The following SH3BGR variants were observed in gnomAD, a reference collection of about 807,000 sequenced individuals.
SH3BGR encodes the protein SH3 domain-binding glutamic acid-rich protein.
SH3BGR carries 29 observed loss-of-function variants against 24.5 expected under a neutral mutation model. The observed-to-expected ratio is 1.18, with a 90% CI of 0.88 to 1.61. The LOEUF is 1.61. Among genes scored for constraint, SH3BGR ranks in the 40% most tolerant of loss-of-function variants. The probability of loss-of-function intolerance (pLI) is 0.00; values close to 1 mark genes in which losing one functional copy is unlikely to be tolerated. For missense variants in SH3BGR, 162 were observed against 205.8 expected (o/e 0.79, Z 1.30); for synonymous variants, 55 against 65.7 (o/e 0.84, Z 0.79).
intron 3 of SH3BGR, among the ~76,000 whole-genome samples, chr21:39,482,490 TA>T (rs540664113): frequency 5.3e-5 from 8 of 152,176 alleles, no homozygotes; most frequent in Non-Finnish European, 1.0e-4. Flanking sequence ...TTAGTTTTCT[TA>T]GATGTGATAA....
intron 1 of SH3BGR, among the ~76,000 whole-genome samples, chr21:39,457,832 G>T (rs1456683678): frequency 1.3e-5 from 2 of 151,918 alleles, no homozygotes; most frequent in East Asian, 1.9e-4. Context: ...GCTGAGGTGG[G>T]AGAATCACTT....
chr21:39,511,849 C>T lies in SH3BGR; in HGVS notation c.*34+40C>T, dbSNP rs1011408422. On this transcript the variant is annotated intron_variant, in intron 6 of 6. Coordinates refer to ENST00000333634, the MANE Select transcript of SH3BGR (RefSeq NM_007341.3). The surrounding 1 kb of genome is among the most constrained non-coding windows in gnomAD (Gnocchi z 4.2). ...CTGGGGTGGAAAAGCTGCTAGTTAC[C>T]GTACTGTATGCTATCTGCGGCACAT... is the stretch of plus-strand genomic sequence containing the variant. The T allele has an allele frequency of 3.4e-5, 52 of 1,552,000 alleles. No individual in the cohort carries two copies. The African/African-American group carries it at 4.4e-4, about 13-fold the overall frequency.
intron 5 of SH3BGR, among the ~76,000 whole-genome samples, chr21:39,509,475 T>G (rs1050570397): frequency 3.4e-5 from 5 of 145,222 alleles, no homozygotes; most frequent in South Asian, 2.2e-4. Context: ...TTTATTGTTT[T>G]TTTTTTTTTT....
intron 4 of SH3BGR, among the ~76,000 whole-genome samples, chr21:39,503,564 A>G (rs2078532965): frequency 6.6e-6 from 1 of 152,248 alleles, no homozygotes; most frequent in Non-Finnish European, 1.5e-5. Flanking sequence ...GGACAGGCTT[A>G]TCTGATCTCT....
intron 2 of SH3BGR, among the ~76,000 whole-genome samples, chr21:39,468,541 C>T (rs1182787289): frequency 2.0e-5 from 3 of 151,744 alleles, no homozygotes; most frequent in Non-Finnish European, 2.9e-5. Flanking sequence ...TGTACTCGAT[C>T]GATCCTCTTG....
At chr21:39,487,853 A>G (rs1179415816) in intron 3 of SH3BGR, among the ~76,000 whole-genome samples, 2 of 152,190 alleles carry the variant, frequency 1.3e-5, no homozygotes, top group African/African-American at 4.8e-5. Flanking sequence ...TGGTGACCTG[A>G]AGGAGGAAGG....
In SH3BGR at chr21:39,460,285, C is replaced by T. The variant is rs546455152; in HGVS notation, c.46-2090C>T. ...AGCTTTTTCTAGCCTCTGCTTGTGC[C>T]CTTCCCCTCCAGTAGTCTCTGTGTG... On this transcript the variant is annotated intron_variant, in intron 1 of 6. Transcript: ENST00000333634. 2.6e-5 allele frequency among the ~76,000 whole-genome samples: 4 copies of T among 152,112 alleles called. No homozygotes were observed. The South Asian group carries it at 8.3e-4, about 32-fold the overall frequency.
chr21:39,453,734 T>C (rs1016187585), intron 1 of SH3BGR, among the ~76,000 whole-genome samples: 1 of 152,190 alleles, frequency 6.6e-6, no homozygotes, highest in Non-Finnish European at 1.5e-5. Context: ...GGAAAGTTAT[T>C]TCACCTTGTT....
chr21:39,505,164 T>G (rs558952212), intron 4 of SH3BGR, among the ~76,000 whole-genome samples: 33 of 152,312 alleles, frequency 2.2e-4, no homozygotes, highest in African/African-American at 7.5e-4. Flanking sequence ...GATTTGAAGC[T>G]GAGCTGGAGT....
Position 39,455,811 on chromosome 21 carries a change from A to T in SH3BGR, c.45+3670A>T, listed in dbSNP as rs80066071. On this transcript the variant is annotated intron_variant, in intron 1 of 6. Transcript: ENST00000333634. ...CCCTGAATAGCGTGATAAGCAATGC[A>T]CTGGGCTCTGTTTAAATGACTAGTG... is the stretch of plus-strand genomic sequence containing the variant. Among the ~76,000 whole-genome samples the T allele has an allele frequency of 3.5e-3, 537 of 152,314 alleles. 10 individuals are homozygous for T. In the East Asian group the frequency reaches 0.066, roughly 19 times the overall value.
chr21:39,467,926 C>A (rs2077870609), intron 2 of SH3BGR, among the ~76,000 whole-genome samples: 1 of 152,220 alleles, frequency 6.6e-6, no homozygotes, highest in African/African-American at 2.4e-5. Flanking sequence ...AAAGGAGACA[C>A]CACACTGGAA....
intron 3 of SH3BGR, among the ~76,000 whole-genome samples, chr21:39,498,412 A>G (rs1206457024): frequency 6.6e-6 from 1 of 152,130 alleles, no homozygotes; most frequent in Non-Finnish European, 1.5e-5. Context: ...GTGTAGACCT[A>G]GTCCTTCCCC....
At chr21:39,471,626 A>G (rs542667420) in intron 2 of SH3BGR, among the ~76,000 whole-genome samples, 347 of 151,358 alleles carry the variant, frequency 2.3e-3, no homozygotes, top group African/African-American at 8.2e-3. Context: ...TTGTTTATTT[A>G]TTTATTATTT....
chr21:39,495,734 A>G (rs1182251614), intron 3 of SH3BGR, among the ~76,000 whole-genome samples: 1 of 152,154 alleles, frequency 6.6e-6, no homozygotes, highest in Non-Finnish European at 1.5e-5. Flanking sequence ...CCTCCCATCT[A>G]GGCCTCCAGA....
At chr21:39,512,047 G>T (rs142842490) in intron 6 of SH3BGR, among the ~76,000 whole-genome samples, 12 of 152,240 alleles carry the variant, frequency 7.9e-5, no homozygotes, top group African/African-American at 2.9e-4. Flanking sequence ...TATGGTTGAT[G>T]GGATTTCTAG....
At chr21:39,512,214 G>C (rs1023480803) in intron 6 of SH3BGR, among the ~76,000 whole-genome samples, 2 of 152,070 alleles carry the variant, frequency 1.3e-5, no homozygotes, top group East Asian at 3.8e-4. Context: ...ACAACTTTAG[G>C]GGGGTGACTA....
Position 39,479,232 on chromosome 21 carries a change from G to GTGGTGGTGGTGA in SH3BGR, c.312+4028_312+4029insATGGTGGTGGTG, listed in dbSNP as rs1437679275. Among the ~76,000 whole-genome samples, 59 of 141,734 alleles carry GTGGTGGTGGTGA rather than the reference G, an allele frequency of 4.2e-4. 1 individual carries two copies. The highest frequency in any genetic ancestry group is 1.3e-3 in the African/African-American group (48 of 36,558). The allele number at this position is 141,734 out of a possible 152,430, so 93.0% of individuals were successfully genotyped here. A position where few individuals can be genotyped will look rare whatever the true frequency, so the allele number is the denominator to read the frequency against. ...GGTGGTGGAGGTGGTAAGGGTGGTG[G>GTGGTGGTGGTGA]TGGTGGTGGTGGTGGTGGTGGTGGT... On this transcript the variant is annotated intron_variant, in intron 3 of 6. Coordinates refer to ENST00000333634, the MANE Select transcript of SH3BGR (RefSeq NM_007341.3).
chr21:39,497,470 C>T (rs1460677214), intron 3 of SH3BGR, among the ~76,000 whole-genome samples: 1 of 151,236 alleles, frequency 6.6e-6, no homozygotes, highest in East Asian at 1.9e-4. Context: ...CATAAAAAGA[C>T]TAAAAACTAA....
chr21:39,507,698 T>G (rs1333607485), intron 4 of SH3BGR, among the ~76,000 whole-genome samples: 1 of 152,114 alleles, frequency 6.6e-6, no homozygotes, highest in East Asian at 1.9e-4. Context: ...CACGCTGGAG[T>G]GCAGTGGCAT....
Sources: allele counts gnomAD v4.1 joint callset (sites outside exome capture counted in the v4.1 genomes callset), GRCh38; gene constraint gnomAD v4.1.1; non-coding constraint Gnocchi (gnomAD v3.1); transcripts MANE v1.5; gene names NCBI Gene and HGNC (gene_info 2026-07-23, HGNC 2026-07-21).